TSPAN1: variants seen among roughly 807,000 people sequenced by gnomAD.
TSPAN1 encodes the protein tetraspanin-1.
A neutral mutation model predicts 26.9 loss-of-function variants in TSPAN1; 23 were observed. The observed-to-expected ratio is 0.85, with a 90% CI of 0.62 to 1.21. The LOEUF is 1.21. Among genes scored for constraint, TSPAN1 ranks in the 50% most tolerant of loss-of-function variants. TSPAN1 has a pLI of 0.00. For missense variants in TSPAN1, 283 were observed against 298.4 expected, an observed-to-expected ratio of 0.95 and a Z score of 0.38; for synonymous variants, 115 against 114.8, an observed-to-expected ratio of 1.00 and a Z score of -0.01.
intron 1 of TSPAN1, among the ~76,000 whole-genome samples, chr1:46,179,764 G>T (rs1657266858): frequency 2.0e-5 from 3 of 152,116 alleles, no homozygotes. Context: ...AGCGCTAAGA[G>T]AAGACTGGGA....
intron 1 of TSPAN1, among the ~76,000 whole-genome samples, chr1:46,178,106 C>T (rs1362372879): frequency 2.0e-5 from 3 of 152,126 alleles, no homozygotes; most frequent in African/African-American, 7.2e-5. Context: ...CCTGTAATCC[C>T]AGCACTTTGG....
downstream of TSPAN1, chr1:46,190,019 A>G (rs748142407): frequency 1.9e-6 from 3 of 1,612,850 alleles, no homozygotes; most frequent in Non-Finnish European, 1.7e-6. Flanking sequence ...AATATAGCCA[A>G]GACAGGGCCC....
At chr1:46,184,078 T>C (rs1158129088) in intron 3 of TSPAN1, 113 bp from the exon 4 acceptor site, 8 of 1,152,686 alleles carry the variant, frequency 6.9e-6, no homozygotes, top group Admixed American at 5.4e-5. Context: ...GGTTTTAGAC[T>C]CCCTAGCCAA....
downstream of TSPAN1, chr1:46,189,571 G>C: frequency 6.2e-7 from 1 of 1,609,058 alleles, no homozygotes; most frequent in Non-Finnish European, 8.5e-7. Context: ...GGAGGCACTA[G>C]TGAGGGTGGG....
At chr1:46,189,405 T>G (rs1427712060), downstream of TSPAN1, 10 of 1,613,746 alleles carry the variant, frequency 6.2e-6, no homozygotes, top group East Asian at 2.2e-4. Flanking sequence ...ATTAGCTATA[T>G]CCCTGGATCT....
the TSPAN1 span, chr1:46,193,251 A>G: frequency 6.2e-7 from 1 of 1,614,082 alleles, no homozygotes; most frequent in Non-Finnish European, 8.5e-7. Flanking sequence ...CATGAGCTTT[A>G]GGGTAGAAGG....
chr1:46,186,557 C>T (rs563108159), downstream of TSPAN1, among the ~76,000 whole-genome samples: 1 of 141,478 alleles, frequency 7.1e-6, no homozygotes, highest in Non-Finnish European at 1.5e-5. Flanking sequence ...ATGGTGTGAT[C>T]TCGGCTCACT....
chr1:46,184,299 G>T lies in TSPAN1; in HGVS notation c.166G>T (p.Val56Leu). The T allele has an allele frequency of 6.2e-7, 1 of 1,614,182 alleles. No homozygotes were observed. Among genetic ancestry groups the T allele is most frequent in the South Asian group, 1.1e-5 (1 of 91,078 alleles). The stretch of plus-strand genomic sequence containing the variant: ...GTCCAGTGCCATGCAGTTTGTCAAC[G>T]TGGGCTACTTCCTCATCGCAGCCGG... ...LSSSAMQFVN[V>L]GYFLIAAGVV... The change falls in exon 4 of 9, where the codon GTG becomes TTG. Residue 56 changes from valine to leucine, a missense_variant. By Grantham distance (32) the Val-to-Leu change is conservative (BLOSUM62 1). Transcript: ENST00000372003.
intron 3 of TSPAN1, among the ~76,000 whole-genome samples, chr1:46,182,533 A>C (rs1657337027): frequency 6.6e-6 from 1 of 151,958 alleles, no homozygotes; most frequent in South Asian, 2.1e-4. Context: ...AATATGGTGA[A>C]ACCCCGTCTC....
chr1:46,188,941 C>G (rs1449694342), downstream of TSPAN1: 2 of 1,612,666 alleles, frequency 1.2e-6, no homozygotes, highest in Admixed American at 1.7e-5. Context: ...TTTCAAGGCC[C>G]TCAGGACAGT....
At chr1:46,192,421 C>A in the TSPAN1 span, 1 of 1,614,184 alleles carries the variant, frequency 6.2e-7, no homozygotes, top group Non-Finnish European at 8.5e-7. Context: ...GGGTCCTCAG[C>A]CGTGTGTTCA....
At chr1:46,186,736 A>G (rs1045713341), downstream of TSPAN1, among the ~76,000 whole-genome samples, 1 of 138,980 alleles carries the variant, frequency 7.2e-6, no homozygotes, top group Non-Finnish European at 1.5e-5. Context: ...ATCTCGGCTC[A>G]CTGCAGGCTC....
At chr1:46,188,651 CCT>C (rs1256297635), downstream of TSPAN1, 34 of 1,555,540 alleles carry the variant, frequency 2.2e-5, no homozygotes, top group Admixed American at 3.7e-5. Flanking sequence ...CCAGCACCCC[CCT>C]GACACACAAA....
the TSPAN1 span, chr1:46,191,372 C>T: frequency 2.1e-5 from 4 of 188,714 alleles, no homozygotes; most frequent in African/African-American, 7.1e-5. Context: ...GGTGGGTTGG[C>T]GGTACCTAAG....
At chr1:46,189,593 G>C (rs769596407), downstream of TSPAN1, 1 of 1,597,736 alleles carries the variant, frequency 6.3e-7, no homozygotes, top group East Asian at 2.2e-5. Context: ...TGGAGACAGA[G>C]ACATGGGTCA....
chr1:46,183,627 C>T, intron 3 of TSPAN1: 1 of 171,514 alleles, frequency 5.8e-6, no homozygotes, highest in Admixed American at 5.4e-5. Flanking sequence ...GAGGTCTTGT[C>T]TACATGAGGG....
the TSPAN1 span, chr1:46,193,124 GC>G: frequency 6.2e-7 from 1 of 1,612,586 alleles, no homozygotes; most frequent in Non-Finnish European, 8.5e-7. Context: ...CAGACCTTAT[GC>G]CCATGTTTCC....
chr1:46,184,393 T>A lies in TSPAN1; in HGVS notation c.260T>A (p.Val87Glu). The A allele has an allele frequency of 6.2e-7, 1 of 1,614,072 alleles. No homozygotes were observed. The highest frequency in any genetic ancestry group is 8.5e-7 in the Non-Finnish European group (1 of 1,179,980). The change falls in exon 4 of 9, where the codon GTG (valine) becomes GAG (glutamate). Residue 87 changes from valine (V) to glutamate (E), a missense_variant. Val to Glu is a moderately radical substitution (Grantham distance 121). Coordinates refer to ENST00000372003, the MANE Select transcript of TSPAN1 (RefSeq NM_005727.4). Reference sequence around the variant, plus strand: ...AAGACTGAGAGCAAGTGTGCCCTCGTGACGGTGTGTGAAACCCAGCTCCAC... The same window carrying A: ...AAGACTGAGAGCAAGTGTGCCCTCGAGACGGTGTGTGAAACCCAGCTCCAC... ...GAKTESKCALVTFFFILLLIF... is the reference protein window; with the variant it reads ...GAKTESKCALETFFFILLLIF...
At chr1:46,176,332 C>T (rs1049501443) in intron 1 of TSPAN1, 40 of 1,535,750 alleles carry the variant, frequency 2.6e-5, no homozygotes, top group Middle Eastern at 1.7e-4. Context: ...AGTTCGACCT[C>T]GGAGACCCTG....
Sources: gnomAD v4.1 joint callset for allele counts (sites outside exome capture counted in the v4.1 genomes callset) on GRCh38, gnomAD v4.1.1 for gene constraint, MANE v1.5 for transcripts, NCBI Gene and HGNC (gene_info 2026-07-23, HGNC 2026-07-21) for gene names.